The following GLIS3 variants were observed in gnomAD, a reference collection of about 807,000 sequenced individuals.
GLIS3 encodes GLIS family zinc finger 3.
In GLIS3, 53 loss-of-function variants were observed where a neutral mutation model predicts 78.6. That is an observed-to-expected ratio of 0.67 (90% CI 0.54 to 0.85). The LOEUF (loss-of-function observed/expected upper bound fraction) is 0.85. GLIS3 is among the 40% of genes least tolerant of loss of function. The pLI is 0.00. For missense variants in GLIS3, 1,703 were observed against 1,231.1 expected (o/e 1.38, Z -5.74); for synonymous variants, 684 against 509.9 (o/e 1.34, Z -4.60).
intron 9 of GLIS3, among the ~76,000 whole-genome samples, chr9:3,842,058 T>A (rs1189469632): frequency 6.6e-6 from 1 of 152,194 alleles, no homozygotes; most frequent in African/African-American, 2.4e-5. Context: ...GTAAGAAAGA[T>A]CCGGCAGAGA....
At chr9:4,283,426 C>T (rs968724264) in intron 2 of GLIS3, among the ~76,000 whole-genome samples, 2 of 152,018 alleles carry the variant, frequency 1.3e-5, no homozygotes, top group South Asian at 2.1e-4. Context: ...CCACCACACC[C>T]GGCTCATTTT....
chr9:4,044,188 A>G (rs539084599), intron 4 of GLIS3, among the ~76,000 whole-genome samples: 1 of 152,346 alleles, frequency 6.6e-6, no homozygotes, highest in East Asian at 1.9e-4. Context: ...TTCTTACAAC[A>G]AAAGAAAGAT....
upstream of GLIS3, among the ~76,000 whole-genome samples, chr9:4,303,693 A>T (rs904640284): frequency 6.6e-6 from 1 of 152,212 alleles, no homozygotes; most frequent in South Asian, 2.1e-4. Context: ...ACTCCATACA[A>T]TATCTCTCAA....
At chr9:3,851,950 C>G (rs1263607936) in intron 9 of GLIS3, among the ~76,000 whole-genome samples, 1 of 152,096 alleles carries the variant, frequency 6.6e-6, no homozygotes, top group African/African-American at 2.4e-5. Context: ...TGAGATCAGT[C>G]TAGCCAACAT....
At chr9:4,391,971 T>C in the GLIS3 span, among the ~76,000 whole-genome samples, 1 of 152,200 alleles carries the variant, frequency 6.6e-6, no homozygotes, top group Admixed American at 6.5e-5. Flanking sequence ...TCCAGCACTA[T>C]TCACAATAGC....
intron 4 of GLIS3, among the ~76,000 whole-genome samples, chr9:4,049,423 G>A (rs1474801901): frequency 6.6e-6 from 1 of 152,144 alleles, no homozygotes; most frequent in African/African-American, 2.4e-5. Context: ...ATTAGTTGAT[G>A]CCCATTCCAA....
chr9:4,059,829 T>TGTGTGA, intron 4 of GLIS3, among the ~76,000 whole-genome samples: 174 of 100,718 alleles, frequency 1.7e-3, no homozygotes, highest in African/African-American at 5.3e-3. Flanking sequence ...TGTGTGTGTG[T>TGTGTGA]GAGAGAGAGA....
At chr9:4,215,597 C>T (rs1197437883) in intron 2 of GLIS3, among the ~76,000 whole-genome samples, 1 of 152,224 alleles carries the variant, frequency 6.6e-6, no homozygotes, top group African/African-American at 2.4e-5. Context: ...CACTATAATG[C>T]TATCGCCTGG....
At chr9:3,933,974 G>C (rs930038320) in intron 5 of GLIS3, among the ~76,000 whole-genome samples, 1 of 152,174 alleles carries the variant, frequency 6.6e-6, no homozygotes, top group African/African-American at 2.4e-5. Flanking sequence ...TGTTTGACTG[G>C]TTGGTTGAAT....
chr9:4,208,100 C>T (rs571582096), intron 2 of GLIS3, among the ~76,000 whole-genome samples: 1 of 152,212 alleles, frequency 6.6e-6, no homozygotes. Context: ...CAGGCCTAAC[C>T]AGGCCTGCAG....
At chr9:3,976,234 A>G (rs1818775654) in intron 4 of GLIS3, among the ~76,000 whole-genome samples, 1 of 152,066 alleles carries the variant, frequency 6.6e-6, no homozygotes, top group South Asian at 2.1e-4. Flanking sequence ...TTTTCTTTTA[A>G]TAATGAAGTT....
chr9:4,332,702 C>A (rs1452338909), intron 2 of GLIS3, among the ~76,000 whole-genome samples: 3 of 152,192 alleles, frequency 2.0e-5, no homozygotes, highest in Non-Finnish European at 4.4e-5. Context: ...AATCTTTGAG[C>A]TATTGTAGCT....
the GLIS3 span, among the ~76,000 whole-genome samples, chr9:4,376,435 C>CATTATT: frequency 7.3e-5 from 10 of 137,468 alleles, no homozygotes; most frequent in Non-Finnish European, 1.3e-4. Flanking sequence ...TCTTTCTAAA[C>CATTATT]ACAAGAGCAA....
the GLIS3 span, among the ~76,000 whole-genome samples, chr9:4,442,301 C>G: frequency 6.6e-6 from 1 of 152,080 alleles, no homozygotes; most frequent in East Asian, 1.9e-4. Context: ...GTCATGTCTC[C>G]TTTTTCATTT....
chr9:3,883,593 G>A lies in GLIS3; in HGVS notation c.2129-3998C>T, dbSNP rs113392970. Among the ~76,000 whole-genome samples, 373 of 152,288 alleles carry A rather than the reference G, an allele frequency of 2.4e-3. 2 individuals carry two copies. Among genetic ancestry groups the A allele is most frequent in the Non-Finnish European group, 4.4e-3 (299 of 68,022 alleles). ...TTGTGGCCTATCGATCAAAACATAA[G>A]GAAGAGAGCTGATCCCTCCAGGATA... On this transcript the variant is annotated intron_variant, in intron 7 of 10. Coordinates refer to ENST00000381971, the MANE Select transcript of GLIS3 (RefSeq NM_001042413.2).
chr9:3,957,221 C>G (rs773386549), intron 4 of GLIS3, among the ~76,000 whole-genome samples: 3 of 152,188 alleles, frequency 2.0e-5, no homozygotes, highest in Non-Finnish European at 4.4e-5. Flanking sequence ...GGAGCCCTTT[C>G]CCGAGAGTGT....
chr9:3,842,490 G>C (rs1818783845), intron 9 of GLIS3, among the ~76,000 whole-genome samples: 1 of 152,146 alleles, frequency 6.6e-6, no homozygotes, highest in Admixed American at 6.6e-5. Context: ...CTCCCCAAGA[G>C]ATAAAGGGAG....
chr9:4,187,165 T>C (rs1210602027), intron 2 of GLIS3, among the ~76,000 whole-genome samples: 2 of 152,206 alleles, frequency 1.3e-5, no homozygotes, highest in Non-Finnish European at 2.9e-5. Context: ...CTTGAATTAA[T>C]TTTTGTGTAA....
chr9:3,999,964 T>C (rs932944504), intron 4 of GLIS3, among the ~76,000 whole-genome samples: 1 of 151,870 alleles, frequency 6.6e-6, no homozygotes, highest in African/African-American at 2.4e-5. Context: ...ACGAAAAAGG[T>C]ATAAAAGGGT....
Sources: gnomAD v4.1 joint callset for allele counts (sites outside exome capture counted in the v4.1 genomes callset) on GRCh38, gnomAD v4.1.1 for gene constraint, MANE v1.5 for transcripts, NCBI Gene and HGNC (gene_info 2026-07-23, HGNC 2026-07-21) for gene names.